The following NIN variants were observed in gnomAD, a reference collection of about 807,000 sequenced individuals.
NIN encodes glycogen synthase kinase 3 beta-interacting protein.
In NIN, 137 loss-of-function variants were observed where a neutral mutation model predicts 257.6. The ratio of observed to expected loss-of-function variants is 0.53; its 90% CI spans 0.46 to 0.61. The LOEUF is 0.61. Ranked by LOEUF, NIN falls within the 20% of genes least tolerant of loss-of-function variation. The probability of loss-of-function intolerance (pLI) is 0.00; values close to 1 mark genes in which losing one functional copy is unlikely to be tolerated. For synonymous variants in NIN, 918 were observed against 919.8 expected (o/e 1.00, Z 0.04); for missense variants, 2,439 against 2,501.2 (o/e 0.98, Z 0.53).
At chr14:50,763,205 C>T (rs1357017257) in intron 15 of NIN, among the ~76,000 whole-genome samples, 1 of 151,970 alleles carries the variant, frequency 6.6e-6, no homozygotes, top group Admixed American at 6.6e-5. Flanking sequence ...GAAATTTAAA[C>T]TCAACACCCC....
intron 18 of NIN, among the ~76,000 whole-genome samples, chr14:50,755,465 GTT>G (rs548705356): frequency 2.8e-5 from 4 of 141,616 alleles, no homozygotes; most frequent in African/African-American, 2.6e-5. Context: ...TAGTTTACAA[GTT>G]TTTTTTTTTT....
intron 4 of NIN, among the ~76,000 whole-genome samples, chr14:50,797,538 C>T (rs1445769432): frequency 1.3e-5 from 2 of 152,114 alleles, no homozygotes; most frequent in Non-Finnish European, 1.5e-5. Context: ...GGCCAGCATC[C>T]CCAAGAAGCT....
intron 4 of NIN, among the ~76,000 whole-genome samples, chr14:50,798,881 C>T (rs1044722272): frequency 1.3e-5 from 2 of 152,180 alleles, no homozygotes; most frequent in Non-Finnish European, 2.9e-5. Context: ...CAGGTTCAAG[C>T]GATTCTCCTG....
chr14:50,727,206 GA>G, intron 29 of NIN: 1 of 909,950 alleles, frequency 1.1e-6, no homozygotes, highest in Non-Finnish European at 1.3e-6. Flanking sequence ...CAAAAGAGTG[GA>G]AAAACAGGAA....
chr14:50,823,096 T>C (rs1462027180), intron 2 of NIN: 11 of 466,554 alleles, frequency 2.4e-5, no homozygotes, highest in Non-Finnish European at 4.2e-5. Flanking sequence ...TGAGTCATTT[T>C]TGTTAAAAAT....
chr14:50,777,363 G>A lies in NIN; in HGVS notation c.476-224C>T, dbSNP rs932904553. Among the ~76,000 whole-genome samples the A allele has an allele frequency of 2.6e-5, 4 of 152,100 alleles. No homozygotes were observed. In the East Asian group the frequency reaches 7.7e-4, roughly 29 times the overall value. ...TTTTTGGCTCCCTGACAGTCATACC[G>A]GTGTAATAAATATAATCTCCTGTGC... On this transcript the variant is annotated intron_variant, in intron 6 of 30. Coordinates refer to ENST00000530997, the MANE Select transcript of NIN (RefSeq NM_020921.4).
chr14:50,740,425 T>C (rs2041224635), intron 25 of NIN, among the ~76,000 whole-genome samples: 1 of 151,950 alleles, frequency 6.6e-6, no homozygotes, highest in Non-Finnish European at 1.5e-5. Flanking sequence ...CTTGGCTCAC[T>C]GCAACCTAGC....
intron 13 of NIN, 109 bp from the exon 14 acceptor site, chr14:50,766,505 G>A (rs1053457846): frequency 1.0e-6 from 1 of 961,868 alleles, no homozygotes. Flanking sequence ...AGTATGATAG[G>A]AATGTGACAT....
intron 5 of NIN, among the ~76,000 whole-genome samples, chr14:50,788,921 T>C (rs1432397676): frequency 6.6e-6 from 1 of 152,176 alleles, no homozygotes; most frequent in Non-Finnish European, 1.5e-5. Flanking sequence ...GGCCCTTTTA[T>C]TGTCTTCATC....
intron 28 of NIN, 123 bp downstream of exon 28, chr14:50,735,393 C>G: frequency 1.5e-6 from 2 of 1,360,518 alleles, no homozygotes; most frequent in South Asian, 1.6e-5. Flanking sequence ...AAGAATTCAA[C>G]TTGGCAGTGT....
chr14:50,808,257 C>A (rs377101238), intron 3 of NIN, among the ~76,000 whole-genome samples: 1 of 152,172 alleles, frequency 6.6e-6, no homozygotes, highest in Non-Finnish European at 1.5e-5. Context: ...GAGGGGCGGC[C>A]AGGTCCTGCT....
intron 30 of NIN, among the ~76,000 whole-genome samples, chr14:50,725,482 T>C (rs187479210): frequency 4.6e-5 from 7 of 152,172 alleles, no homozygotes. Flanking sequence ...GTTGAGGTTT[T>C]CATAAGCTGT....
rs1044200686 is a variant in NIN at position 50,758,179 on chromosome 14, G to T, written c.2851C>A (p.Arg951Ser). The T allele has an allele frequency of 6.2e-7, 1 of 1,614,148 alleles. No homozygotes were observed. Among genetic ancestry groups the T allele is most frequent in the Non-Finnish European group, 8.5e-7 (1 of 1,180,020 alleles). The stretch of plus-strand genomic sequence containing the variant: ...CCTGCCTGGCACAGGACCTCCTCAC[G>T]CTCCCTCAGTTCCCTTTTGTGACTG... ...KSSHKRELRE[R>S]EEVLCQAGAS... The change falls in exon 18 of 31, where the codon CGT becomes AGT. Residue 951 changes from arginine to serine, a missense_variant. Physicochemically the swap from Arg to Ser is moderately radical, Grantham distance 110 (BLOSUM62 -1). This residue lies in a region of NIN where 2,043 missense variants were observed against 2,050.2 expected (regional missense o/e 1.00). Transcript: ENST00000530997.
intron 12 of NIN, among the ~76,000 whole-genome samples, chr14:50,767,902 G>A (rs2042570839): frequency 6.6e-6 from 1 of 150,460 alleles, no homozygotes. Flanking sequence ...AATTTCTTTT[G>A]GTTTAAAGAT....
At chr14:50,764,169 A>AATAAG (rs1372510541) in intron 14 of NIN, among the ~76,000 whole-genome samples, 2 of 152,266 alleles carry the variant, frequency 1.3e-5, no homozygotes, top group African/African-American at 4.8e-5. Flanking sequence ...ATAGCTCAAT[A>AATAAG]ATAAGACAAT....
chr14:50,782,797 T>C (rs912961540), intron 5 of NIN, among the ~76,000 whole-genome samples: 10 of 152,166 alleles, frequency 6.6e-5, no homozygotes, highest in Non-Finnish European at 1.3e-4. Flanking sequence ...ATCTCCCCCA[T>C]ATTATGACAG....
At chr14:50,732,055 G>A (rs1329369730) in intron 28 of NIN, among the ~76,000 whole-genome samples, 2 of 152,162 alleles carry the variant, frequency 1.3e-5, no homozygotes, top group East Asian at 3.8e-4. Context: ...CGCTCATGTT[G>A]AAAAAGCTCC....
Position 50,756,842 on chromosome 14 carries a change from C to A in NIN, c.4188G>T (p.Gly1396=). 1 of 1,551,848 alleles carries A rather than the reference C, an allele frequency of 6.4e-7. No individual in the cohort carries two copies. Among genetic ancestry groups the A allele is most frequent in the Non-Finnish European group, 8.7e-7 (1 of 1,147,018 alleles). The change falls in exon 18 of 31, where the codon GGG becomes GGT. Residue 1396 remains glycine (G), a synonymous_variant. Coordinates refer to ENST00000530997, the MANE Select transcript of NIN (RefSeq NM_020921.4). ...ECKQENQYLE[G]NTQLLEKVKA... The stretch of plus-strand genomic sequence containing the variant: ...TTACTTTTTCCAAGAGCTGTGTGTT[C>A]CCCTCAAGGTACTGGTTTTCTTGCT...
At chr14:50,787,352 G>C (rs2043391243) in intron 5 of NIN, among the ~76,000 whole-genome samples, 2 of 152,180 alleles carry the variant, frequency 1.3e-5, no homozygotes, top group Admixed American at 1.3e-4. Flanking sequence ...GTTTAGTTTA[G>C]TTTTGTTTTC....
Sources: gnomAD v4.1 joint callset for allele counts (sites outside exome capture counted in the v4.1 genomes callset) on GRCh38, gnomAD v4.1.1 for gene constraint, gnomAD v4.1.1 regional missense constraint, MANE v1.5 for transcripts, NCBI Gene and HGNC (gene_info 2026-07-23, HGNC 2026-07-21) for gene names.